Variants in ZNF282 observed in about 807,000 individuals in gnomAD.
The protein encoded by ZNF282 is HTLV-I U5 repressive element-binding protein 1.
In ZNF282, 30 loss-of-function variants were observed where a neutral mutation model predicts 61.9. The observed-to-expected ratio is 0.48, with a 90% confidence interval of 0.36 to 0.66. The LOEUF is 0.66. Among genes scored for constraint, ZNF282 ranks in the 30% least tolerant of loss-of-function variants. The pLI is 0.00. For synonymous variants in ZNF282, 396 were observed against 405.0 expected (o/e 0.98, Z 0.27); for missense variants, 788 against 941.4 (o/e 0.84, Z 2.13).
chr7:149,207,889 G>A (rs570091954), intron 4 of ZNF282, among the ~76,000 whole-genome samples: 2 of 152,168 alleles, frequency 1.3e-5, no homozygotes, highest in Non-Finnish European at 2.9e-5. Flanking sequence ...CACCTCATTC[G>A]TCGGCCGACA....
intron 7 of ZNF282, among the ~76,000 whole-genome samples, chr7:149,214,089 A>G (rs965459321): frequency 6.6e-6 from 1 of 152,108 alleles, no homozygotes; most frequent in Admixed American, 6.5e-5. Context: ...AAAGTCCAAA[A>G]TCAAGGGGTG....
intron 1 of ZNF282, among the ~76,000 whole-genome samples, 182 bp downstream of exon 1, chr7:149,195,936 C>T (rs1795808971): frequency 6.7e-6 from 1 of 148,712 alleles, no homozygotes. Flanking sequence ...ACGGAGCGGG[C>T]CCGACGCAGG....
intron 7 of ZNF282, among the ~76,000 whole-genome samples, chr7:149,216,100 T>G (rs1796157678): frequency 6.6e-6 from 1 of 152,042 alleles, no homozygotes; most frequent in South Asian, 2.1e-4. Context: ...TTGTTTTATC[T>G]TTTTTTTGTT....
Position 149,225,747 on chromosome 7 carries a change from A to G in ZNF282, c.*1100A>G, listed in dbSNP as rs894621740. The G allele has an allele frequency of 2.6e-5, 4 of 152,626 alleles. No individual in the cohort carries two copies. Among genetic ancestry groups the G allele is most frequent in the Admixed American group, 6.5e-5 (1 of 15,276 alleles). 9.5% of individuals were successfully genotyped at this position (152,626 alleles called of 1,614,324 possible). A position where few individuals can be genotyped will look rare whatever the true frequency, so the allele number is the denominator to read the frequency against. ...AGGCTCTCCTGCCCTGGGCCTCCCAATTGGTGCTATCTGTTACTGCCCGTG... is the reference window on the plus strand; with the variant it reads ...AGGCTCTCCTGCCCTGGGCCTCCCAGTTGGTGCTATCTGTTACTGCCCGTG... On this transcript the variant is annotated 3_prime_UTR_variant, in exon 8 of 8. Transcript: ENST00000610704.
At chr7:149,207,303 C>T (rs992075925) in intron 3 of ZNF282, 48 bp from the exon 4 acceptor site, 18 of 1,560,374 alleles carry the variant, frequency 1.2e-5, no homozygotes, top group Admixed American at 1.8e-5. Context: ...TTGCTGGATG[C>T]GTTGGTCAAC....
intron 7 of ZNF282, among the ~76,000 whole-genome samples, chr7:149,220,802 G>T (rs555918106): frequency 9.9e-5 from 15 of 152,142 alleles, no homozygotes; most frequent in South Asian, 4.1e-4. Flanking sequence ...GCATGGGTTG[G>T]GGGGGAGGGG....
chr7:149,224,773 G>A lies in ZNF282; in HGVS notation c.*126G>A, dbSNP rs116476200. On this transcript the variant is annotated 3_prime_UTR_variant, in exon 8 of 8. Coordinates refer to ENST00000610704, the MANE Select transcript of ZNF282 (RefSeq NM_003575.4). The stretch of plus-strand genomic sequence containing the variant: ...AACAGGCATTGCACTCCGGTTGGGG[G>A]TCCCCCAGGGTGGGGCAGGGATCCC... 6.6e-3 allele frequency: 9,311 copies of A among 1,403,546 alleles called. 450 individuals carry two copies. The African/African-American group carries it at 0.11, about 16-fold the overall frequency. 86.9% of individuals were successfully genotyped at this position (1,403,546 alleles called of 1,614,324 possible).
chr7:149,213,132 C>T (rs1336855955), intron 6 of ZNF282, among the ~76,000 whole-genome samples: 1 of 152,138 alleles, frequency 6.6e-6, no homozygotes, highest in Admixed American at 6.5e-5. Flanking sequence ...AGTGTCATTG[C>T]CTGGTAGTTA....
rs1796313475 is a variant in ZNF282 at position 149,224,058 on chromosome 7, G to T, written c.1427G>T (p.Gly476Val). 5 of 1,161,012 alleles carry T rather than the reference G, an allele frequency of 4.3e-6. No homozygotes were observed. The highest frequency in any genetic ancestry group is 5.3e-6 in the Non-Finnish European group (5 of 943,616). The allele number at this position is 1,161,012 out of a possible 1,614,324, so 71.9% of individuals were successfully genotyped here. A position where few individuals can be genotyped will look rare whatever the true frequency, so the allele number is the denominator to read the frequency against. ...GGGGACCGCAGCACCGGGGGCGGCGGGGGCGATGGGGGCGGTGGGGGCGGC... is the reference window on the plus strand; with the variant it reads ...GGGGACCGCAGCACCGGGGGCGGCGTGGGCGATGGGGGCGGTGGGGGCGGC... ...PGGDRSTGGGGGDGGGGGGGA... is the reference protein window; with the variant it reads ...PGGDRSTGGGVGDGGGGGGGA... Residue 476 changes from glycine (G) to valine (V), a missense_variant, in exon 8 of 8, where the codon GGG becomes GTG. Around this residue, in one of 3 missense-constraint regions of ZNF282, gnomAD observed 559 missense variants for 642.0 expected, o/e 0.87. Transcript: ENST00000610704.
intron 4 of ZNF282, among the ~76,000 whole-genome samples, chr7:149,209,020 C>CAAAAAAAAAAAAAA (rs58064988): frequency 1.3e-4 from 8 of 61,702 alleles, no homozygotes; most frequent in Admixed American, 2.2e-4. Flanking sequence ...GACTTCATCT[C>CAAAAAAAAAAAAAA]AAAAAAAAAA....
chr7:149,213,824 G>T lies in ZNF282; in HGVS notation c.1180+10G>T, dbSNP rs531293375. The T allele has an allele frequency of 6.2e-7, 1 of 1,600,346 alleles. No homozygotes were observed. The highest frequency in any genetic ancestry group is 8.6e-7 in the Non-Finnish European group (1 of 1,168,170). On this transcript the variant is annotated intron_variant, in intron 7 of 7. Coordinates refer to ENST00000610704, the MANE Select transcript of ZNF282 (RefSeq NM_003575.4). Reference sequence around the variant, plus strand: ...TTAGACTCTGGCCCTAGTGAGTAACGTCCCCACCTAGACCCTGGGGTTTCT... The same window carrying T: ...TTAGACTCTGGCCCTAGTGAGTAACTTCCCCACCTAGACCCTGGGGTTTCT...
chr7:149,208,914 G>T (rs1340937708), intron 4 of ZNF282, among the ~76,000 whole-genome samples: 2 of 150,548 alleles, frequency 1.3e-5, no homozygotes, highest in Admixed American at 1.3e-4. Context: ...CCAGCTACTC[G>T]GGAGGCTGAG....
chr7:149,224,159 C>T lies in ZNF282; in HGVS notation c.1528C>T (p.Leu510=). 1 of 1,569,242 alleles carries T rather than the reference C, an allele frequency of 6.4e-7. No homozygotes were observed. Among genetic ancestry groups the T allele is most frequent in the Non-Finnish European group, 8.6e-7 (1 of 1,164,166 alleles). ...TGGCGGGCTGCGGCGGAGCCTCCTC[C>T]TGCACGGCGCCCGCAGCAAGCCCTA... ...CPGGLRRSLL[L]HGARSKPYSC... is the part of the protein sequence containing the mutation. Residue 510 remains leucine, a synonymous_variant, in exon 8 of 8, where the codon CTG becomes TTG. Coordinates refer to ENST00000610704, the MANE Select transcript of ZNF282 (RefSeq NM_003575.4).
chr7:149,207,298 G>T, intron 3 of ZNF282, 53 bp from the exon 4 acceptor site: 1 of 1,556,478 alleles, frequency 6.4e-7, no homozygotes, highest in South Asian at 1.2e-5. Flanking sequence ...TCCCCTTGCT[G>T]GATGCGTTGG....
At chr7:149,195,834 G>A (rs1239498989) in intron 1 of ZNF282, 80 bp downstream of exon 1, 13 of 1,210,826 alleles carry the variant, frequency 1.1e-5, no homozygotes, top group Non-Finnish European at 1.3e-5. Context: ...GGGCCGCGCC[G>A]TCCTCCGGTA....
At position 149,226,096 on chromosome 7, in the gene ZNF282, G is replaced by C. The variant is rs1796370092; in HGVS notation, c.*1449G>C. The C allele has an allele frequency of 6.6e-6, 1 of 152,652 alleles. No homozygotes were observed. The highest frequency in any genetic ancestry group is 6.5e-5 in the Admixed American group (1 of 15,286). 9.5% of individuals were successfully genotyped at this position (152,652 alleles called of 1,614,324 possible). ...TGCTTCCGCCCTCGCCCTCATCTAC[G>C]CTGCTCCGCTTTCCTCAGACCCCTT... On this transcript the variant is annotated 3_prime_UTR_variant, in exon 8 of 8. Coordinates refer to ENST00000610704, the MANE Select transcript of ZNF282 (RefSeq NM_003575.4).
At chr7:149,218,912 A>C (rs1796197582) in intron 7 of ZNF282, among the ~76,000 whole-genome samples, 1 of 152,208 alleles carries the variant, frequency 6.6e-6, no homozygotes, top group Non-Finnish European at 1.5e-5. Context: ...CTAAGCCTGA[A>C]ATTTCCATTG....
Position 149,207,399 on chromosome 7 carries a change from C to T in ZNF282, c.761C>T (p.Pro254Leu). The T allele has an allele frequency of 4.4e-6, 7 of 1,579,818 alleles. No homozygotes were observed. Among genetic ancestry groups the T allele is most frequent in the Non-Finnish European group, 6.0e-6 (7 of 1,161,170 alleles). The change falls in exon 4 of 8, where the codon CCC (proline) becomes CTC (leucine). Residue 254 changes from proline (P) to leucine (L), a missense_variant. Physicochemically the swap from Pro to Leu is moderately conservative, Grantham distance 98 (BLOSUM62 -3). This residue lies in a region of ZNF282 where 559 missense variants were observed against 642.0 expected (regional missense o/e 0.87). Coordinates refer to ENST00000610704, the MANE Select transcript of ZNF282 (RefSeq NM_003575.4). The part of the protein sequence containing the change: ...PKPDAPVQAE[P>L]REEPCVWEQR... ...CCAGATGCTCCAGTCCAGGCTGAGC[C>T]CAGGGAAGAACCTTGTGTGTGGGAG...
At chr7:149,223,717 C>T (rs1222909422) in intron 7 of ZNF282, 95 bp from the exon 8 acceptor site, 11 of 1,292,830 alleles carry the variant, frequency 8.5e-6, no homozygotes, top group Admixed American at 3.4e-5. Context: ...GGAACTGAGG[C>T]TCAGATAGCA....
Sources: allele counts gnomAD v4.1 joint callset (sites outside exome capture counted in the v4.1 genomes callset), GRCh38; gene constraint gnomAD v4.1.1; regional missense constraint gnomAD v4.1.1; transcripts MANE v1.5; gene names NCBI Gene and HGNC (gene_info 2026-07-23, HGNC 2026-07-21).